The following DLG2 variants were observed in gnomAD, a reference collection of about 807,000 sequenced individuals.
DLG2 encodes the protein disks large homolog 2.
In DLG2, 45 loss-of-function variants were observed where a neutral mutation model predicts 132.5. That is an observed-to-expected ratio of 0.34 (90% confidence interval 0.27 to 0.44). The LOEUF is 0.44. Among genes scored for constraint, DLG2 ranks in the 20% least tolerant of loss-of-function variants. The pLI is 1.00. For missense variants in DLG2, 1,045 were observed against 1,196.9 expected, an observed-to-expected ratio of 0.87 and a Z score of 1.87; for synonymous variants, 424 against 419.6, an observed-to-expected ratio of 1.01 and a Z score of -0.13.
At chr11:84,334,889 T>G (rs1207672782) in intron 7 of DLG2, among the ~76,000 whole-genome samples, 1 of 152,132 alleles carries the variant, frequency 6.6e-6, no homozygotes, top group African/African-American at 2.4e-5. Context: ...AGAAAGCTGA[T>G]GTCTATGAAA....
chr11:84,588,105 T>C (rs1448717859), intron 6 of DLG2, among the ~76,000 whole-genome samples: 1 of 152,174 alleles, frequency 6.6e-6, no homozygotes, highest in Non-Finnish European at 1.5e-5. Context: ...CACACTGTTC[T>C]AGGCTCACCA....
chr11:85,064,665 C>T (rs2064632834), intron 6 of DLG2, among the ~76,000 whole-genome samples: 1 of 151,650 alleles, frequency 6.6e-6, no homozygotes, highest in Admixed American at 6.6e-5. Context: ...TGGTCAAACA[C>T]TATTTGAGAT....
chr11:83,690,590 C>G (rs1181134540), intron 18 of DLG2, among the ~76,000 whole-genome samples: 1 of 140,498 alleles, frequency 7.1e-6, no homozygotes, highest in Non-Finnish European at 1.5e-5. Context: ...ACATTAATGC[C>G]TTTACAAGTA....
chr11:83,834,019 C>T (rs931525470), intron 16 of DLG2, among the ~76,000 whole-genome samples: 2 of 152,144 alleles, frequency 1.3e-5, no homozygotes, highest in Non-Finnish European at 2.9e-5. Context: ...CTTAAACTAC[C>T]TTTACTTCTA....
At position 84,621,957 on chromosome 11, in the gene DLG2, T is replaced by G. The variant is rs145670934; in HGVS notation, c.358-87226A>C. 6.4e-4 allele frequency among the ~76,000 whole-genome samples: 98 copies of G among 152,320 alleles called. 1 individual carries two copies. The South Asian group carries it at 0.011, about 18-fold the overall frequency. The stretch of plus-strand genomic sequence containing the variant: ...TAACCTATAAATAGAAAGTTGCTTG[T>G]TGAAATTGTACATTAGTAGTACAAC... On this transcript the variant is annotated intron_variant, in intron 6 of 27. Coordinates refer to ENST00000376104, the MANE Select transcript of DLG2 (RefSeq NM_001142699.3).
At chr11:83,507,518 A>G (rs2094773207) in intron 21 of DLG2, among the ~76,000 whole-genome samples, 2 of 146,114 alleles carry the variant, frequency 1.4e-5, no homozygotes, top group South Asian at 4.2e-4. Context: ...CTATATATAT[A>G]TCCATATATA....
chr11:85,268,999 G>A (rs541276950), intron 4 of DLG2, among the ~76,000 whole-genome samples: 33 of 152,308 alleles, frequency 2.2e-4, no homozygotes, highest in African/African-American at 7.7e-4. Context: ...AATAGAAATA[G>A]TAAGCTCTAT....
intron 16 of DLG2, among the ~76,000 whole-genome samples, chr11:83,868,723 T>TA (rs138227055): frequency 6.7e-6 from 1 of 150,226 alleles, no homozygotes; most frequent in Admixed American, 6.7e-5. Context: ...ACTAACAGCT[T>TA]AAAAAAAAAA....
chr11:85,315,065 G>T (rs975516793), intron 3 of DLG2, among the ~76,000 whole-genome samples: 1 of 151,976 alleles, frequency 6.6e-6, no homozygotes, highest in Non-Finnish European at 1.5e-5. Context: ...TGATCTTTGA[G>T]GGTTGTTGGG....
chr11:83,926,844 G>T (rs776370147), intron 15 of DLG2, among the ~76,000 whole-genome samples: 14 of 152,066 alleles, frequency 9.2e-5, no homozygotes, highest in Middle Eastern at 3.2e-3. Context: ...CTTTGCCCCT[G>T]AATTATTGGC....
intron 16 of DLG2, among the ~76,000 whole-genome samples, chr11:83,851,038 G>A (rs1357031059): frequency 2.0e-5 from 3 of 152,042 alleles, no homozygotes; most frequent in Admixed American, 6.5e-5. Flanking sequence ...TTAGCCTGGC[G>A]TGGTGGCGGG....
chr11:84,906,381 AAC>A (rs35833007), intron 6 of DLG2, among the ~76,000 whole-genome samples: 42,830 of 143,920 alleles, frequency 0.3, 6,627 homozygotes, highest in South Asian at 0.45. Context: ...CAGCAAGGCT[AAC>A]ACACACACAC....
At chr11:84,066,113 A>T (rs2096667204) in intron 10 of DLG2, among the ~76,000 whole-genome samples, 1 of 152,170 alleles carries the variant, frequency 6.6e-6, no homozygotes, top group Non-Finnish European at 1.5e-5. Flanking sequence ...ACTAGCTATC[A>T]GGTATTATGC....
chr11:83,601,510 C>CTTTGTTTTTTTTTT (rs2058541735), intron 19 of DLG2, among the ~76,000 whole-genome samples: 1 of 94,536 alleles, frequency 1.1e-5, no homozygotes, highest in Non-Finnish European at 1.9e-5. Flanking sequence ...ATGTGATGTT[C>CTTTGTTTTTTTTTT]TTTTTTTTTT....
intron 6 of DLG2, among the ~76,000 whole-genome samples, chr11:84,684,731 T>C (rs969237995): frequency 6.6e-6 from 1 of 152,148 alleles, no homozygotes; most frequent in Admixed American, 6.5e-5. Context: ...AAAATTTCCA[T>C]GAAACCAAAT....
intron 11 of DLG2, among the ~76,000 whole-genome samples, chr11:84,034,928 A>G (rs1178560128): frequency 6.6e-6 from 1 of 152,130 alleles, no homozygotes; most frequent in Non-Finnish European, 1.5e-5. Context: ...TCTATTATCC[A>G]ATCAATCAAT....
At chr11:84,231,215 C>T (rs1213602526) in intron 8 of DLG2, among the ~76,000 whole-genome samples, 2 of 152,058 alleles carry the variant, frequency 1.3e-5, no homozygotes, top group Non-Finnish European at 2.9e-5. Flanking sequence ...CTATTTGAAC[C>T]ATTAGGTAAC....
chr11:84,933,757 T>C (rs962996098), intron 6 of DLG2, among the ~76,000 whole-genome samples: 1 of 152,246 alleles, frequency 6.6e-6, no homozygotes, highest in South Asian at 2.1e-4. Flanking sequence ...CACAAAGCTT[T>C]TGGGCTGAGA....
intron 19 of DLG2, among the ~76,000 whole-genome samples, chr11:83,606,754 C>G (rs1380254956): frequency 6.6e-6 from 1 of 151,932 alleles, no homozygotes; most frequent in African/African-American, 2.4e-5. Context: ...ATTGAAACCC[C>G]GTCTCTACTA....
Sources: gnomAD v4.1 joint callset for allele counts (sites outside exome capture counted in the v4.1 genomes callset) on GRCh38, gnomAD v4.1.1 for gene constraint, MANE v1.5 for transcripts, NCBI Gene and HGNC (gene_info 2026-07-23, HGNC 2026-07-21) for gene names.